MCPH1: variants seen among roughly 807,000 people sequenced by gnomAD.
The protein encoded by MCPH1 is microcephalin.
Under a neutral mutation model 84.5 loss-of-function variants are expected in MCPH1, and 104 were observed. The observed-to-expected ratio is 1.23, with a 90% CI of 1.05 to 1.45. MCPH1 has a LOEUF of 1.45. Among genes scored for constraint, MCPH1 ranks in the 40% most tolerant of loss-of-function variants. The pLI is 0.00. For synonymous variants in MCPH1, 514 were observed against 366.8 expected, an observed-to-expected ratio of 1.40 and a Z score of -4.58; for missense variants, 1,498 against 1,005.7, an observed-to-expected ratio of 1.49 and a Z score of -6.62.
At chr8:6,563,043 G>C in intron 12 of MCPH1, 1 of 1,256,046 alleles carries the variant, frequency 8.0e-7, no homozygotes, top group Non-Finnish European at 1.1e-6. Flanking sequence ...TGCCATGGCT[G>C]GGTCCGTCAA....
At chr8:6,474,155 A>T in intron 9 of MCPH1, 1 of 751,582 alleles carries the variant, frequency 1.3e-6, no homozygotes, top group Non-Finnish European at 2.5e-6. Flanking sequence ...ACATTCTCTC[A>T]TTTGGTTATC....
intron 7 of MCPH1, among the ~76,000 whole-genome samples, chr8:6,443,265 G>A (rs1453418105): frequency 2.0e-5 from 3 of 152,204 alleles, no homozygotes; most frequent in Non-Finnish European, 4.4e-5. Context: ...CACTCTTAGT[G>A]ACATGTCACA....
chr8:6,426,260 G>A (rs1801044780), intron 3 of MCPH1, among the ~76,000 whole-genome samples: 1 of 152,124 alleles, frequency 6.6e-6, no homozygotes, highest in Admixed American at 6.6e-5. Flanking sequence ...GGTTTTTTGT[G>A]TATACCTGTG....
chr8:6,584,198 CT>C (rs1252918160), intron 12 of MCPH1, among the ~76,000 whole-genome samples: 4 of 152,108 alleles, frequency 2.6e-5, no homozygotes, highest in African/African-American at 7.2e-5. Flanking sequence ...TCAATACACA[CT>C]TTAAAAATAA....
At chr8:6,490,357 T>C (rs1810421685) in intron 11 of MCPH1, among the ~76,000 whole-genome samples, 1 of 152,222 alleles carries the variant, frequency 6.6e-6, no homozygotes, top group African/African-American at 2.4e-5. Flanking sequence ...CAGCTGTCCA[T>C]CATTTAGATG....
chr8:6,598,502 C>T (rs1341022924), intron 12 of MCPH1, among the ~76,000 whole-genome samples: 4 of 152,178 alleles, frequency 2.6e-5, no homozygotes, highest in Admixed American at 6.5e-5. Flanking sequence ...TCCACCCGGC[C>T]CACCAGCTCC....
rs1434056560 is a variant in MCPH1 at position 6,566,975 on chromosome 8, C to T, written c.2215-54479C>T. 1.2e-4 allele frequency among the ~76,000 whole-genome samples: 16 copies of T among 137,218 alleles called. 2 individuals carry two copies. Among genetic ancestry groups the T allele is most frequent in the African/African-American group, 3.7e-4 (13 of 35,550 alleles). 90.0% of individuals were successfully genotyped at this position (137,218 alleles called of 152,430 possible). ...GATCGGCAAGGCCATGGATAGTACA[C>T]GCGGTGCGGTGACGGTGTGTGATCG... On this transcript the variant is annotated intron_variant, in intron 12 of 13. Coordinates refer to ENST00000344683, the MANE Select transcript of MCPH1 (RefSeq NM_024596.5).
intron 11 of MCPH1, 175 bp from the exon 12 acceptor site, chr8:6,499,677 A>G: frequency 1.7e-6 from 1 of 591,396 alleles, no homozygotes; most frequent in Non-Finnish European, 3.0e-6. Flanking sequence ...TTTTATTAAT[A>G]TTCATAACAT....
chr8:6,506,016 T>C (rs1349347456), intron 12 of MCPH1, among the ~76,000 whole-genome samples: 1 of 145,188 alleles, frequency 6.9e-6, no homozygotes, highest in Non-Finnish European at 1.5e-5. Flanking sequence ...TATATATGTA[T>C]ATATATAAAA....
intron 12 of MCPH1, among the ~76,000 whole-genome samples, chr8:6,527,391 G>T (rs1818528710): frequency 6.6e-6 from 1 of 152,236 alleles, no homozygotes; most frequent in South Asian, 2.1e-4. Context: ...TGCCTGTGCA[G>T]GAATTTTCTC....
At chr8:6,630,971 G>A (rs577104922) in intron 13 of MCPH1, among the ~76,000 whole-genome samples, 1 of 152,274 alleles carries the variant, frequency 6.6e-6, no homozygotes, top group South Asian at 2.1e-4. Context: ...ATCCAACACA[G>A]AAACCGCTAA....
At chr8:6,491,899 C>T (rs1006173768) in intron 11 of MCPH1, among the ~76,000 whole-genome samples, 2 of 152,124 alleles carry the variant, frequency 1.3e-5, no homozygotes, top group African/African-American at 4.8e-5. Flanking sequence ...GGGTTGGTTC[C>T]AAGTCTTTGC....
chr8:6,597,608 T>G (rs1379055734), intron 12 of MCPH1, among the ~76,000 whole-genome samples: 1 of 152,138 alleles, frequency 6.6e-6, no homozygotes, highest in Non-Finnish European at 1.5e-5. Context: ...GGTGCTGCTG[T>G]GGACACGACA....
chr8:6,444,999 C>A lies in MCPH1; in HGVS notation c.1277C>A (p.Ser426Ter). The change falls in exon 8 of 14, where the codon TCA becomes TAA. Residue 426 changes from serine to a stop codon, truncating the protein, a stop_gained. Transcript: ENST00000344683. LOFTEE classifies it high-confidence loss of function. ...CCTGATAATCTTAAGGAAAGGTATT[C>A]AGAGAATCTTCCTCCTGAATCTCAG... ...FSPDNLKERY[S>*]ENLPPESQLP... 6.2e-7 allele frequency: 1 copy of A among 1,614,194 alleles called. No homozygotes were observed. The highest frequency in any genetic ancestry group is 1.3e-5 in the African/African-American group (1 of 75,050).
At chr8:6,496,177 G>T (rs550255934) in intron 11 of MCPH1, among the ~76,000 whole-genome samples, 4 of 152,194 alleles carry the variant, frequency 2.6e-5, no homozygotes, top group African/African-American at 7.2e-5. Context: ...CAGTCCCATC[G>T]GGGGGTGACG....
chr8:6,426,963 G>C (rs1230371000), intron 3 of MCPH1, among the ~76,000 whole-genome samples: 3 of 152,156 alleles, frequency 2.0e-5, no homozygotes, highest in African/African-American at 4.8e-5. Context: ...GAAACGAATA[G>C]GTGATTTTGT....
intron 12 of MCPH1, chr8:6,503,187 A>T: frequency 6.2e-7 from 1 of 1,614,146 alleles, no homozygotes; most frequent in Non-Finnish European, 8.5e-7. Flanking sequence ...ATGCCGTTGA[A>T]CTTATTTGTG....
chr8:6,505,949 ATG>A (rs1813609725), intron 12 of MCPH1, among the ~76,000 whole-genome samples: 1 of 50,076 alleles, frequency 2.0e-5, no homozygotes, highest in African/African-American at 1.2e-4. Context: ...TTCTTTATAT[ATG>A]TATATATAAA....
chr8:6,473,327 T>G (rs1808007088), intron 9 of MCPH1, among the ~76,000 whole-genome samples: 1 of 120,010 alleles, frequency 8.3e-6, no homozygotes, highest in Non-Finnish European at 1.7e-5. Flanking sequence ...ATCCTTTTTT[T>G]TTTTTTTTTT....
Sources: gnomAD v4.1 joint callset for allele counts (sites outside exome capture counted in the v4.1 genomes callset) on GRCh38, gnomAD v4.1.1 for gene constraint, MANE v1.5 for transcripts, NCBI Gene and HGNC (gene_info 2026-07-23, HGNC 2026-07-21) for gene names.